The following OCM variants were observed in gnomAD, a reference collection of about 807,000 sequenced individuals.
OCM encodes the protein oncomodulin, also known as oncomodulin-1.
Under a neutral mutation model 14.1 loss-of-function variants are expected in OCM, and 18 were observed. The ratio of observed to expected loss-of-function variants is 1.28; its 90% CI spans 0.88 to 1.89. The LOEUF is 1.89. OCM is among the 40% of genes most tolerant of loss of function. The probability of loss-of-function intolerance (pLI) is 0.00; values close to 1 mark genes in which losing one functional copy is unlikely to be tolerated. For synonymous variants in OCM, 48 were observed against 51.0 expected (o/e 0.94, Z 0.25); for missense variants, 140 against 137.6 (o/e 1.02, Z -0.09).
the OCM span, among the ~76,000 whole-genome samples, chr7:5,872,995 G>C: frequency 6.6e-6 from 1 of 152,164 alleles, no homozygotes; most frequent in African/African-American, 2.4e-5. Flanking sequence ...TTGAGCCCAG[G>C]AGGTCAAGGC....
chr7:5,885,823 A>T (rs1781321915), intron 3 of OCM, among the ~76,000 whole-genome samples: 1 of 151,862 alleles, frequency 6.6e-6, no homozygotes, highest in African/African-American at 2.4e-5. Flanking sequence ...TTTGGCCAGG[A>T]TGGTTTCGAT....
upstream of OCM, among the ~76,000 whole-genome samples, chr7:5,876,891 C>T (rs1461272978): frequency 2.0e-5 from 3 of 151,834 alleles, no homozygotes; most frequent in Admixed American, 6.6e-5. Flanking sequence ...CCGCAACCTC[C>T]ACCTCCCCAG....
At chr7:5,878,875 T>TAAAAAAAAAA (rs57901741), upstream of OCM, among the ~76,000 whole-genome samples, 3 of 102,016 alleles carry the variant, frequency 2.9e-5, no homozygotes, top group Non-Finnish European at 5.7e-5. Context: ...TGCTGAAAGT[T>TAAAAAAAAAA]AAAAAAAAAA....
At chr7:5,865,232 C>T in the OCM span, among the ~76,000 whole-genome samples, 3 of 152,186 alleles carry the variant, frequency 2.0e-5, no homozygotes, top group African/African-American at 7.2e-5. Flanking sequence ...TTGATCTATT[C>T]TAATGAGAAC....
At chr7:5,864,457 C>T in the OCM span, among the ~76,000 whole-genome samples, 1 of 152,020 alleles carries the variant, frequency 6.6e-6, no homozygotes, top group Non-Finnish European at 1.5e-5. Flanking sequence ...TCTCTTTTCT[C>T]CTCCACGTTC....
At chr7:5,877,204 C>T (rs1427216295), upstream of OCM, among the ~76,000 whole-genome samples, 2 of 152,030 alleles carry the variant, frequency 1.3e-5, no homozygotes, top group African/African-American at 4.8e-5. Context: ...GTGGCTCATG[C>T]CTTAATCCCA....
upstream of OCM, among the ~76,000 whole-genome samples, chr7:5,878,833 A>G (rs542050901): frequency 6.7e-6 from 1 of 148,872 alleles, no homozygotes; most frequent in South Asian, 2.2e-4. Flanking sequence ...AGTCTAGCAC[A>G]GTGCTGGCCA....
At chr7:5,872,305 A>G in the OCM span, among the ~76,000 whole-genome samples, 1 of 152,136 alleles carries the variant, frequency 6.6e-6, no homozygotes, top group African/African-American at 2.4e-5. Context: ...ACGCAGCCCT[A>G]AGACACTTCA....
At chr7:5,860,903 G>A in the OCM span, among the ~76,000 whole-genome samples, 1 of 151,368 alleles carries the variant, frequency 6.6e-6, no homozygotes, top group African/African-American at 2.4e-5. Flanking sequence ...TGCTGAAAAA[G>A]TGAAACATTG....
At chr7:5,879,037 T>C (rs1226215310), upstream of OCM, among the ~76,000 whole-genome samples, 1 of 151,908 alleles carries the variant, frequency 6.6e-6, no homozygotes, top group Non-Finnish European at 1.5e-5. Context: ...CCAAAAAATA[T>C]GCATATTTAA....
upstream of OCM, among the ~76,000 whole-genome samples, chr7:5,876,922 C>G (rs1032523763): frequency 4.6e-5 from 7 of 151,986 alleles, no homozygotes; most frequent in African/African-American, 1.4e-4. Flanking sequence ...TCTCCTGCCT[C>G]AGCCTCTCAA....
chr7:5,878,845 A>G (rs1298194129), upstream of OCM, among the ~76,000 whole-genome samples: 2 of 148,674 alleles, frequency 1.3e-5, no homozygotes, highest in Admixed American at 1.4e-4. Context: ...TGCTGGCCAT[A>G]TAAAGGCTCA....
At chr7:5,866,382 G>GAGGAAGGGAGGGAGGAAAGA in the OCM span, among the ~76,000 whole-genome samples, 1 of 56,942 alleles carries the variant, frequency 1.8e-5, no homozygotes, top group Non-Finnish European at 2.9e-5. Flanking sequence ...GGGAGGAAAG[G>GAGGAAGGGAGGGAGGAAAGA]AGGAAGAGAG....
At chr7:5,878,808 A>G (rs1781148797), upstream of OCM, among the ~76,000 whole-genome samples, 4 of 151,620 alleles carry the variant, frequency 2.6e-5, no homozygotes, top group Admixed American at 2.6e-4. Context: ...TTTTACCACA[A>G]TAATTAAAAA....
At chr7:5,861,409 G>A in the OCM span, among the ~76,000 whole-genome samples, 3 of 150,770 alleles carry the variant, frequency 2.0e-5, no homozygotes, top group East Asian at 1.9e-4. Context: ...CAACAAGAAC[G>A]AAATTCTGTC....
chr7:5,881,941 G>C (rs183161771), intron 1 of OCM, among the ~76,000 whole-genome samples: 84 of 151,860 alleles, frequency 5.5e-4, no homozygotes, highest in African/African-American at 1.7e-3. Context: ...ACAAAAATGA[G>C]CTGGGCATGG....
At chr7:5,882,452 G>A (rs1781236809) in intron 1 of OCM, 41 bp from the exon 2 acceptor site, 1 of 1,601,796 alleles carries the variant, frequency 6.2e-7, no homozygotes, top group Admixed American at 1.7e-5. Context: ...CATAGAATGT[G>A]ATCCAACAAG....
At chr7:5,867,609 G>T in the OCM span, among the ~76,000 whole-genome samples, 1 of 151,868 alleles carries the variant, frequency 6.6e-6, no homozygotes, top group African/African-American at 2.4e-5. Context: ...TTTTCTCTGA[G>T]ACTCCAATTA....
intron 1 of OCM, 66 bp from the exon 2 acceptor site, chr7:5,882,426 AG>A: frequency 6.5e-7 from 1 of 1,549,608 alleles, no homozygotes; most frequent in Non-Finnish European, 8.9e-7. Context: ...CTGTGTTTTT[AG>A]TACCTTGGCC....
Sources: allele counts gnomAD v4.1 joint callset (sites outside exome capture counted in the v4.1 genomes callset), GRCh38; gene constraint gnomAD v4.1.1; transcripts MANE v1.5; gene names NCBI Gene and HGNC (gene_info 2026-07-23, HGNC 2026-07-21).